Variants in PLXDC2 observed in about 807,000 individuals in gnomAD.
PLXDC2 encodes plexin domain-containing protein 2.
PLXDC2 carries 40 observed loss-of-function variants against 68.9 expected under a neutral mutation model. The observed-to-expected ratio is 0.58, with a 90% confidence interval of 0.45 to 0.76. The LOEUF is 0.76. Among genes scored for constraint, PLXDC2 ranks in the 30% least tolerant of loss-of-function variants. PLXDC2 has a pLI of 0.00. For synonymous variants in PLXDC2, 243 were observed against 234.2 expected, an observed-to-expected ratio of 1.04 and a Z score of -0.34; for missense variants, 644 against 661.9, an observed-to-expected ratio of 0.97 and a Z score of 0.30.
chr10:19,993,372 A>T (rs1834782966), intron 1 of PLXDC2, among the ~76,000 whole-genome samples: 1 of 152,160 alleles, frequency 6.6e-6, no homozygotes, highest in African/African-American at 2.4e-5. Flanking sequence ...AAAATTATAA[A>T]CCGTTACATT....
chr10:19,885,874 T>G (rs1011994535), intron 1 of PLXDC2, among the ~76,000 whole-genome samples: 5 of 152,098 alleles, frequency 3.3e-5, no homozygotes, highest in African/African-American at 7.2e-5. Flanking sequence ...AAAGTAGTTT[T>G]TTCCAATTCT....
chr10:19,839,186 C>G (rs74878962), intron 1 of PLXDC2, among the ~76,000 whole-genome samples: 2 of 100,988 alleles, frequency 2.0e-5, no homozygotes, highest in African/African-American at 8.0e-5. Flanking sequence ...AACTCAGTCT[C>G]AAAAAAAAAA....
intron 1 of PLXDC2, among the ~76,000 whole-genome samples, chr10:19,893,386 A>G (rs1258331541): frequency 6.6e-6 from 1 of 152,370 alleles, no homozygotes; most frequent in African/African-American, 2.4e-5. Flanking sequence ...CTGACCGCTT[A>G]TAATAAAGTA....
At chr10:19,860,289 G>A (rs415664) in intron 1 of PLXDC2, among the ~76,000 whole-genome samples, 84,548 of 151,510 alleles carry the variant, frequency 0.56, 23,589 homozygotes, top group East Asian at 0.69. Flanking sequence ...AAGCTTGGCA[G>A]AATGAGTTAA....
In PLXDC2 at chr10:20,285,570, C is replaced by G. The variant is rs542881465; in HGVS notation, c.*5751C>G. 15 of 152,266 alleles carry G rather than the reference C, an allele frequency of 9.9e-5. No individual in the cohort carries two copies. Among genetic ancestry groups the G allele is most frequent in the African/African-American group, 3.4e-4 (14 of 41,558 alleles). The allele number at this position is 152,266 out of a possible 1,614,324, so 9.4% of individuals were successfully genotyped here. On this transcript the variant is annotated 3_prime_UTR_variant, in exon 14 of 14. Coordinates refer to ENST00000377252, the MANE Select transcript of PLXDC2 (RefSeq NM_032812.9). The stretch of plus-strand genomic sequence containing the variant: ...ATCACTGCATGTCTGTGCTGTAGAC[C>G]TGTTAATTTTATCTGTGAGAAAAAA...
rs112756225 is a variant in PLXDC2, at chr10:20,211,216, T to A, written c.1062-453T>A. 3.3e-3 allele frequency among the ~76,000 whole-genome samples: 494 copies of A among 151,716 alleles called. 1 individual carries two copies. Among genetic ancestry groups the A allele is most frequent in the African/African-American group, 0.011 (472 of 41,360 alleles). On this transcript the variant is annotated intron_variant, in intron 9 of 13. Coordinates refer to ENST00000377252, the MANE Select transcript of PLXDC2 (RefSeq NM_032812.9). ...ATTTTACTGCACAAAAGGGAAAGAG[T>A]TTGTGTGATGGTGGGTCTTGAATGA...
intron 3 of PLXDC2, among the ~76,000 whole-genome samples, chr10:20,052,722 C>CAAAAAAAAAAAAAA (rs59776582): frequency 1.1e-5 from 1 of 92,808 alleles, no homozygotes; most frequent in Non-Finnish European, 2.4e-5. Context: ...ACAAATTATG[C>CAAAAAAAAAAAAAA]AAAAAAAAAA....
intron 1 of PLXDC2, among the ~76,000 whole-genome samples, chr10:19,919,270 G>A (rs1396731257): frequency 6.6e-6 from 1 of 152,154 alleles, no homozygotes; most frequent in African/African-American, 2.4e-5. Flanking sequence ...AAACACTTTG[G>A]TTTTAATCGA....
chr10:19,907,766 G>A (rs1052692734), intron 1 of PLXDC2, among the ~76,000 whole-genome samples: 1 of 152,062 alleles, frequency 6.6e-6, no homozygotes, highest in Non-Finnish European at 1.5e-5. Flanking sequence ...CTATTTCCTC[G>A]GTTATTTTAC....
intron 2 of PLXDC2, among the ~76,000 whole-genome samples, chr10:20,021,223 G>A (rs1441664655): frequency 6.6e-6 from 1 of 151,590 alleles, no homozygotes; most frequent in Non-Finnish European, 1.5e-5. Flanking sequence ...TTTTTGTTTT[G>A]TTTTAGCACA....
chr10:20,154,433 G>A (rs1834191957), intron 6 of PLXDC2, among the ~76,000 whole-genome samples: 2 of 151,850 alleles, frequency 1.3e-5, no homozygotes, highest in Non-Finnish European at 2.9e-5. Context: ...GCATGGTGGT[G>A]CACGCCTGTA....
chr10:20,209,851 G>A (rs1318813543), intron 9 of PLXDC2, among the ~76,000 whole-genome samples: 2 of 152,158 alleles, frequency 1.3e-5, no homozygotes. Flanking sequence ...GGTATTGACT[G>A]GGGAGGTGAT....
chr10:19,953,928 A>T (rs947922020), intron 1 of PLXDC2, among the ~76,000 whole-genome samples: 2 of 152,184 alleles, frequency 1.3e-5, no homozygotes, highest in Non-Finnish European at 2.9e-5. Context: ...TCTGGAAATG[A>T]AAGTGACAGC....
chr10:20,224,976 T>C (rs1255184916), intron 12 of PLXDC2, among the ~76,000 whole-genome samples: 2 of 152,174 alleles, frequency 1.3e-5, no homozygotes, highest in Non-Finnish European at 2.9e-5. Flanking sequence ...CAGAGAATGG[T>C]GTCCCCATCA....
intron 1 of PLXDC2, among the ~76,000 whole-genome samples, chr10:19,894,277 C>CTT (rs1251867489): frequency 2.9e-4 from 42 of 143,166 alleles, no homozygotes; most frequent in African/African-American, 9.9e-4. Context: ...TGATGTTTTC[C>CTT]TTTTTTTTTT....
At chr10:20,253,821 C>A (rs1835709424) in intron 13 of PLXDC2, among the ~76,000 whole-genome samples, 1 of 152,060 alleles carries the variant, frequency 6.6e-6, no homozygotes. Context: ...AATCTTCAAC[C>A]AATATTAACG....
At chr10:20,265,765 A>G (rs1835864616) in intron 13 of PLXDC2, among the ~76,000 whole-genome samples, 1 of 152,204 alleles carries the variant, frequency 6.6e-6, no homozygotes, top group Admixed American at 6.5e-5. Context: ...TTGTGACTGG[A>G]AAGTAGTTGC....
rs1025103431 is a variant in PLXDC2, at chr10:20,245,450, T to C, written c.1418T>C (p.Val473Ala). 1.2e-6 allele frequency: 2 copies of C among 1,613,426 alleles called. No individual in the cohort carries two copies. The highest frequency in any genetic ancestry group is 8.5e-7 in the Non-Finnish European group (1 of 1,179,974). ...LVLIVATAIL[V>A]TVYMYHHPTS... ...CTCATTGTAGCCACAGCCATTCTTG[T>C]GACAGTCTATATGTATCACCACCCA... The change falls in exon 13 of 14, where the codon GTG becomes GCG. Residue 473 changes from valine (V) to alanine (A), a missense_variant. By Grantham distance (64) the Val-to-Ala change is moderately conservative. This residue lies in a region of PLXDC2 where 330 missense variants were observed against 327.9 expected (regional missense o/e 1.01). Transcript: ENST00000377252.
At chr10:20,103,591 TGA>T (rs57564391) in intron 4 of PLXDC2, among the ~76,000 whole-genome samples, 34 of 145,696 alleles carry the variant, frequency 2.3e-4, no homozygotes, top group Non-Finnish European at 2.5e-4. Flanking sequence ...GGTTTGTGTG[TGA>T]GAGAGAGAGA....
Sources: allele counts gnomAD v4.1 joint callset (sites outside exome capture counted in the v4.1 genomes callset), GRCh38; gene constraint gnomAD v4.1.1; regional missense constraint gnomAD v4.1.1; transcripts MANE v1.5; gene names NCBI Gene and HGNC (gene_info 2026-07-23, HGNC 2026-07-21).